RDH13: variants seen among roughly 807,000 people sequenced by gnomAD.
RDH13 encodes retinol dehydrogenase 13 (all-trans and 9-cis).
RDH13 carries 35 observed loss-of-function variants against 28.3 expected under a neutral mutation model. That is an observed-to-expected ratio of 1.24 (90% CI 0.95 to 1.64). RDH13 has a LOEUF of 1.64. Ranked by LOEUF, RDH13 falls within the 40% of genes most tolerant of loss-of-function variation. RDH13 has a pLI of 0.00. For missense variants in RDH13, 514 were observed against 446.3 expected (o/e 1.15, Z -1.37); for synonymous variants, 229 against 198.5 (o/e 1.15, Z -1.29).
intron 3 of RDH13, among the ~76,000 whole-genome samples, chr19:55,052,914 A>G (rs571889066): frequency 4.6e-5 from 7 of 151,226 alleles, no homozygotes; most frequent in East Asian, 2.0e-4. Context: ...CGCCCGCCTC[A>G]GCCTCCCAAA....
downstream of RDH13, chr19:55,039,700 A>G (rs982430414): frequency 1.3e-5 from 2 of 151,968 alleles, no homozygotes; most frequent in Non-Finnish European, 2.9e-5. Flanking sequence ...ATAGCCGGGC[A>G]TGGCGGCAGG....
In RDH13 at chr19:55,063,139, G is replaced by C. The variant is rs1012128855; in HGVS notation, c.-107C>G. 34 of 1,092,114 alleles carry C rather than the reference G, an allele frequency of 3.1e-5. No individual in the cohort carries two copies. In the African/African-American group the frequency reaches 4.2e-4, roughly 14 times the overall value. The allele number at this position is 1,092,114 out of a possible 1,614,324, so 67.7% of individuals were successfully genotyped here. A position where few individuals can be genotyped will look rare whatever the true frequency, so the allele number is the denominator to read the frequency against. On this transcript the variant is annotated 5_prime_UTR_variant, in exon 1 of 7. Transcript: ENST00000415061. ...GAGCGCGCGACGCAGCCACAGGCGA[G>C]CGGAGGCGCAGGCGCGGCTGGGCCC...
chr19:55,066,725 GTC>G (rs1304763804), upstream of RDH13, among the ~76,000 whole-genome samples: 3 of 145,266 alleles, frequency 2.1e-5, no homozygotes, highest in East Asian at 2.1e-4. Flanking sequence ...TCTTGTGTGT[GTC>G]TCTCTCTCTC....
intron 5 of RDH13, chr19:55,048,126 G>T: frequency 6.5e-7 from 1 of 1,531,660 alleles, no homozygotes; most frequent in Non-Finnish European, 8.7e-7. Context: ...GACCACCTGG[G>T]ATGAACAGAC....
chr19:55,055,003 T>G (rs559895002), intron 3 of RDH13, among the ~76,000 whole-genome samples: 1 of 152,290 alleles, frequency 6.6e-6, no homozygotes, highest in East Asian at 1.9e-4. Context: ...CTTGAGTCTA[T>G]TTAAAGATGA....
At chr19:55,046,798 G>A (rs1359745822) in intron 6 of RDH13, 1 of 152,792 alleles carries the variant, frequency 6.5e-6, no homozygotes, top group Non-Finnish European at 1.5e-5. Context: ...CTTGGAGACA[G>A]GAGAATCGCT....
chr19:55,064,536 G>C (rs2075908827), upstream of RDH13: 2 of 152,144 alleles, frequency 1.3e-5, no homozygotes, highest in African/African-American at 2.4e-5. Flanking sequence ...AATTCATAGA[G>C]ACAGAAAACA....
chr19:55,049,170 G>A (rs551463057), intron 3 of RDH13, among the ~76,000 whole-genome samples: 1 of 152,286 alleles, frequency 6.6e-6, no homozygotes, highest in South Asian at 2.1e-4. Context: ...ACGTCTGAGG[G>A]TGTAAGCCAC....
At chr19:55,047,875 T>C (rs2075290388) in intron 5 of RDH13, 1 of 483,424 alleles carries the variant, frequency 2.1e-6, no homozygotes, top group Non-Finnish European at 3.7e-6. Flanking sequence ...GCACTGTGGA[T>C]GCTGTGGGTT....
chr19:55,068,345 G>T (rs1256290971), intron 1 of RDH13: 1 of 152,122 alleles, frequency 6.6e-6, no homozygotes, highest in African/African-American at 2.4e-5. Context: ...AAACCAGCCT[G>T]GCCAACATGG....
intron 3 of RDH13, among the ~76,000 whole-genome samples, chr19:55,051,710 G>A (rs565343601): frequency 9.5e-4 from 143 of 150,278 alleles, no homozygotes; most frequent in Middle Eastern, 3.5e-3. Context: ...TTACAGGTGT[G>A]AGCCACCGCG....
At chr19:55,066,544 TCTCTCTTC>T (rs1225183220), upstream of RDH13, among the ~76,000 whole-genome samples, 6 of 63,760 alleles carry the variant, frequency 9.4e-5, no homozygotes, top group Non-Finnish European at 2.1e-4. Flanking sequence ...TTCTCTTTCC[TCTCTCTTC>T]CTCTCTCCCT....
chr19:55,047,052 G>GT, intron 6 of RDH13: 2 of 1,039,822 alleles, frequency 1.9e-6, no homozygotes, highest in Non-Finnish European at 2.5e-6. Context: ...GCTCAGAGGG[G>GT]TAACAGCTCT....
chr19:55,048,052 G>C, intron 5 of RDH13: 1 of 1,468,064 alleles, frequency 6.8e-7, no homozygotes, highest in Non-Finnish European at 9.0e-7. Flanking sequence ...TCACTGGCTG[G>C]AGCCAAAAGG....
rs534009276 is a variant in RDH13, at chr19:55,047,299, G to A, written c.760+88C>T. ...GGAGCAGGCATGAGGCCTCAGGGAC[G>A]GTCTCTGAGGGAGGGTCCTGGGCCC... is the stretch of plus-strand genomic sequence containing the variant. On this transcript the variant is annotated intron_variant, in intron 6 of 6. Transcript: ENST00000415061. 5.0e-5 allele frequency: 76 copies of A among 1,532,168 alleles called. No homozygotes were observed. In the Middle Eastern group the frequency reaches 6.8e-4, roughly 14 times the overall value. The allele number at this position is 1,532,168 out of a possible 1,614,324, so 94.9% of individuals were successfully genotyped here.
chr19:55,047,576 G>A (rs935081552), intron 5 of RDH13, 88 bp from the exon 6 acceptor site: 238 of 1,493,470 alleles, frequency 1.6e-4, no homozygotes, highest in Admixed American at 4.5e-4. Context: ...TGGGGCTTCC[G>A]GGCACCAGGC....
chr19:55,066,599 CTT>C (rs2075966169), upstream of RDH13, among the ~76,000 whole-genome samples: 2 of 150,192 alleles, frequency 1.3e-5, no homozygotes, highest in South Asian at 4.3e-4. Context: ...CTCTCTTCCT[CTT>C]TTTTCTTCCT....
rs768154260 is a variant in RDH13 at position 55,045,179 on chromosome 19, G to A, written c.891C>T (p.Ala297=). 3.1e-6 allele frequency: 5 copies of A among 1,613,646 alleles called. No individual in the cohort carries two copies. The highest frequency in any genetic ancestry group is 1.7e-5 in the Admixed American group (1 of 60,018). ...YFDGLKQKAP[A]PEAEDEEVAR... ...CCACCTCCTCATCCTCAGCCTCGGG[G>A]GCCGGGGCCTTCTGTTTGAGTCCAT... Residue 297 remains alanine (A), a synonymous_variant, in exon 7 of 7, where the codon GCC becomes GCT. Coordinates refer to ENST00000415061, the MANE Select transcript of RDH13 (RefSeq NM_001145971.2).
At chr19:55,053,186 G>A (rs1419603565) in intron 3 of RDH13, among the ~76,000 whole-genome samples, 1 of 152,156 alleles carries the variant, frequency 6.6e-6, no homozygotes, top group African/African-American at 2.4e-5. Context: ...GGGATGACAG[G>A]CGTGAACCGC....
Sources: gnomAD v4.1 joint callset for allele counts (sites outside exome capture counted in the v4.1 genomes callset) on GRCh38, gnomAD v4.1.1 for gene constraint, MANE v1.5 for transcripts, NCBI Gene and HGNC (gene_info 2026-07-23, HGNC 2026-07-21) for gene names.